UBXN4: variants seen among roughly 807,000 people sequenced by gnomAD.
The protein encoded by UBXN4 is UBX domain-containing protein 4.
Under a neutral mutation model 66.2 loss-of-function variants are expected in UBXN4, and 35 were observed. That is an observed-to-expected ratio of 0.53 (90% CI 0.40 to 0.70). The LOEUF is 0.70. UBXN4 is among the 30% of genes least tolerant of loss of function. UBXN4 has a pLI of 0.00. For synonymous variants in UBXN4, 203 were observed against 204.5 expected (o/e 0.99, Z 0.06); for missense variants, 533 against 599.8 (o/e 0.89, Z 1.16).
chr2:135,750,410 G>A (rs1463083295), intron 2 of UBXN4, among the ~76,000 whole-genome samples: 1 of 152,088 alleles, frequency 6.6e-6, no homozygotes, highest in East Asian at 1.9e-4. Context: ...GGAGGCTGAG[G>A]CAGGAGAATG....
chr2:135,758,645 C>T (rs1575317533), intron 5 of UBXN4, among the ~76,000 whole-genome samples: 1 of 152,102 alleles, frequency 6.6e-6, no homozygotes, highest in Admixed American at 6.6e-5. Flanking sequence ...GCCCTCCACT[C>T]CTCTTCTTTT....
In UBXN4 at chr2:135,778,043, G is replaced by A. The variant is rs570676720; in HGVS notation, c.1054-905G>A. Among the ~76,000 whole-genome samples the A allele has an allele frequency of 2.0e-5, 3 of 152,050 alleles. No homozygotes were observed. The South Asian group carries it at 6.2e-4, about 32-fold the overall frequency. ...ATACAAAAAATTAGCCAGGCGTGGT[G>A]GCGGGCGTCTGTAGTCCCAGCTACT... On this transcript the variant is annotated intron_variant, in intron 10 of 12. Coordinates refer to ENST00000272638, the MANE Select transcript of UBXN4 (RefSeq NM_014607.4).
At position 135,745,874 on chromosome 2, in the gene UBXN4, A is replaced by C. The variant is rs866027147; in HGVS notation, c.83-2393A>C. ...CTGTGGATGCATTCTAGTCCCGTTT[A>C]CTTTTTTTTTTTTTTTTTTTTTGAG... On this transcript the variant is annotated intron_variant, in intron 1 of 12. Coordinates refer to ENST00000272638, the MANE Select transcript of UBXN4 (RefSeq NM_014607.4). Among the ~76,000 whole-genome samples the C allele has an allele frequency of 7.6e-3, 106 of 13,896 alleles. 1 individual carries two copies. The highest frequency in any genetic ancestry group is 0.015 in the African/African-American group (99 of 6,598). 9.1% of individuals were successfully genotyped at this position (13,896 alleles called of 152,430 possible). A position where few individuals can be genotyped will look rare whatever the true frequency, so the allele number is the denominator to read the frequency against.
intron 10 of UBXN4, 72 bp from the exon 11 acceptor site, chr2:135,778,873 GCAT>G: frequency 7.2e-7 from 1 of 1,383,058 alleles, no homozygotes; most frequent in Non-Finnish European, 9.6e-7. Context: ...GTTAATTAAA[GCAT>G]CATTTTGGAT....
At chr2:135,760,595 A>G (rs1575318238) in intron 5 of UBXN4, among the ~76,000 whole-genome samples, 1 of 152,168 alleles carries the variant, frequency 6.6e-6, no homozygotes. Context: ...CTCTTATTCA[A>G]CACTTTTCCC....
chr2:135,780,523 C>G, intron 12 of UBXN4, 138 bp downstream of exon 12: 1 of 787,936 alleles, frequency 1.3e-6, no homozygotes, highest in Non-Finnish European at 2.0e-6. Context: ...CTCCGATGCT[C>G]TGAAACTTTA....
chr2:135,770,336 A>G (rs2077375376), intron 7 of UBXN4, among the ~76,000 whole-genome samples: 1 of 152,166 alleles, frequency 6.6e-6, no homozygotes, highest in South Asian at 2.1e-4. Flanking sequence ...ATGACTAAAG[A>G]CCTGTAATTA....
At chr2:135,780,785 C>G (rs886653450) in intron 12 of UBXN4, among the ~76,000 whole-genome samples, 4 of 152,200 alleles carry the variant, frequency 2.6e-5, no homozygotes, top group Admixed American at 6.5e-5. Context: ...GTGAACTACT[C>G]TGTTTTGATC....
chr2:135,755,581 C>T lies in UBXN4; in HGVS notation c.398C>T (p.Thr133Ile). Residue 133 changes from threonine (T) to isoleucine (I), a missense_variant, in exon 5 of 13, where the codon ACT becomes ATT. Physicochemically the swap from Thr to Ile is moderately conservative, Grantham distance 89. Around this residue, in one of 2 missense-constraint regions of UBXN4, gnomAD observed 529 missense variants for 580.1 expected, o/e 0.91. Coordinates refer to ENST00000272638, the MANE Select transcript of UBXN4 (RefSeq NM_014607.4). ...NGSQSESSVS[T>I]PSASFEPNNT... ...AGTCAGTCAGAAAGTTCAGTGTCTA[C>T]TCCATCTGCGTCATTTGAACCTAAC... The T allele has an allele frequency of 1.2e-6, 2 of 1,609,584 alleles. No homozygotes were observed. Among genetic ancestry groups the T allele is most frequent in the Non-Finnish European group, 1.7e-6 (2 of 1,177,736 alleles).
Position 135,744,625 on chromosome 2 carries a change from A to ATT in UBXN4, c.82+2616_82+2617dup, listed in dbSNP as rs143708986. On this transcript the variant is annotated intron_variant, in intron 1 of 12. Transcript: ENST00000272638. ...AGCCTTTAGGTTTTGAGCAGTTGAG[A>ATT]TTTATTTTACATCGGAAAGACTGGC... is the stretch of plus-strand genomic sequence containing the variant. Among the ~76,000 whole-genome samples the ATT allele has an allele frequency of 0.01, 1,576 of 151,956 alleles. 97 individuals are homozygous for ATT. In the East Asian group the frequency reaches 0.19, roughly 18 times the overall value.
intron 5 of UBXN4, 47 bp from the exon 6 acceptor site, chr2:135,761,771 G>A (rs1464014517): frequency 7.0e-7 from 1 of 1,433,704 alleles, no homozygotes; most frequent in Admixed American, 2.2e-5. Context: ...CCTTTAAAAA[G>A]TTGCATTAAA....
intron 6 of UBXN4, among the ~76,000 whole-genome samples, chr2:135,769,292 G>C (rs2077368095): frequency 6.6e-6 from 1 of 152,134 alleles, no homozygotes; most frequent in Non-Finnish European, 1.5e-5. Flanking sequence ...ACTGTGCCCA[G>C]CCTCCATTCA....
At chr2:135,775,707 G>A (rs1043498187) in intron 9 of UBXN4, among the ~76,000 whole-genome samples, 2 of 152,168 alleles carry the variant, frequency 1.3e-5, no homozygotes, top group Non-Finnish European at 2.9e-5. Context: ...ATTAGATAAT[G>A]TTGATAGTTG....
rs1267172811 is a variant in UBXN4 at position 135,783,185 on chromosome 2, CCT to C, written c.*299_*300del. On this transcript the variant is annotated 3_prime_UTR_variant, in exon 13 of 13. Coordinates refer to ENST00000272638, the MANE Select transcript of UBXN4 (RefSeq NM_014607.4). ...TTTAGTATTTCATATGCCCATTAGC[CCT>C]ATGCTTCAGATGACACGTTTTGTTT... 4.8e-6 allele frequency: 1 copy of C among 206,396 alleles called. No individual in the cohort carries two copies. The highest frequency in any genetic ancestry group is 9.7e-6 in the Non-Finnish European group (1 of 103,002). 12.8% of individuals were successfully genotyped at this position (206,396 alleles called of 1,614,324 possible).
chr2:135,765,826 T>G (rs2077343489), intron 6 of UBXN4, among the ~76,000 whole-genome samples: 1 of 151,944 alleles, frequency 6.6e-6, no homozygotes, highest in South Asian at 2.1e-4. Flanking sequence ...TCCTGCCCCC[T>G]TCTGGCACCC....
chr2:135,745,442 A>C (rs192958971), intron 1 of UBXN4, among the ~76,000 whole-genome samples: 1 of 152,286 alleles, frequency 6.6e-6, no homozygotes, highest in Admixed American at 6.5e-5. Flanking sequence ...AGTAGCATTT[A>C]TTACTGTAAT....
At chr2:135,770,821 T>C (rs985710834) in intron 8 of UBXN4, 86 bp downstream of exon 8, 1 of 1,247,066 alleles carries the variant, frequency 8.0e-7, no homozygotes, top group Non-Finnish European at 1.0e-6. Context: ...CACACAAAAA[T>C]AGATTTTAGT....
intron 6 of UBXN4, among the ~76,000 whole-genome samples, chr2:135,765,733 A>C (rs1049728540): frequency 3.9e-5 from 6 of 151,970 alleles, no homozygotes; most frequent in Admixed American, 3.9e-4. Flanking sequence ...GCTCCTAGGA[A>C]GACATTGGCT....
At chr2:135,747,715 A>C (rs773003458) in intron 1 of UBXN4, 1 of 456,090 alleles carries the variant, frequency 2.2e-6, no homozygotes, top group African/African-American at 2.0e-5. Flanking sequence ...GCTCACTGCA[A>C]CTTCCACCTT....
Sources: allele counts gnomAD v4.1 joint callset (sites outside exome capture counted in the v4.1 genomes callset), GRCh38; gene constraint gnomAD v4.1.1; regional missense constraint gnomAD v4.1.1; transcripts MANE v1.5; gene names NCBI Gene and HGNC (gene_info 2026-07-23, HGNC 2026-07-21).